The following BABAM2 variants were observed in gnomAD, a reference collection of about 807,000 sequenced individuals.
BABAM2 encodes the protein BRISC and BRCA1 A complex member 2, also known as BRISC and BRCA1-A complex member 2.
A neutral mutation model predicts 54.7 loss-of-function variants in BABAM2; 31 were observed. The ratio of observed to expected loss-of-function variants is 0.57; its 90% CI spans 0.43 to 0.77. BABAM2 has a LOEUF of 0.77. BABAM2 is among the 30% of genes least tolerant of loss of function. The pLI, the probability that BABAM2 is intolerant of heterozygous loss-of-function variation, is 0.00. For missense variants in BABAM2, 364 were observed against 455.8 expected (o/e 0.80, Z 1.83); for synonymous variants, 167 against 162.9 (o/e 1.03, Z -0.19).
At chr2:27,908,024 G>A (rs188324214) in intron 2 of BABAM2, among the ~76,000 whole-genome samples, 266 of 152,146 alleles carry the variant, frequency 1.7e-3, no homozygotes, top group African/African-American at 5.6e-3. Flanking sequence ...AGTTTTTTGC[G>A]TATATACCCA....
chr2:28,074,004 C>CATATATACACACACATATATACACAT (rs952681964), intron 6 of BABAM2, among the ~76,000 whole-genome samples: 3 of 150,678 alleles, frequency 2.0e-5, no homozygotes, highest in Non-Finnish European at 4.4e-5. Flanking sequence ...TATATTTACA[C>CATATATACACACACATATATACACAT]ATATATACAC....
At chr2:28,235,184 AT>A (rs1681785759) in intron 7 of BABAM2, among the ~76,000 whole-genome samples, 1 of 152,110 alleles carries the variant, frequency 6.6e-6, no homozygotes, top group African/African-American at 2.4e-5. Context: ...TTATTTATTT[AT>A]TTATTTTGAG....
At chr2:27,938,726 A>G (rs1037033310) in intron 3 of BABAM2, among the ~76,000 whole-genome samples, 6 of 152,126 alleles carry the variant, frequency 3.9e-5, no homozygotes, top group Non-Finnish European at 2.9e-5. Flanking sequence ...ACCTCTAAGG[A>G]AACCTAATTA....
intron 6 of BABAM2, among the ~76,000 whole-genome samples, chr2:28,081,402 C>A (rs1204683153): frequency 6.6e-6 from 1 of 152,172 alleles, no homozygotes; most frequent in African/African-American, 2.4e-5. Flanking sequence ...GTACGTAAGA[C>A]CAGGCAAGGT....
Position 28,099,215 on chromosome 2 carries a change from A to G in BABAM2, c.571-30056A>G, listed in dbSNP as rs78523333. ...AGTACCAAATTAATTTTGATAGTAA[A>G]CTAATGAGTTAGCATTCTGGCTGTA... On this transcript the variant is annotated intron_variant, in intron 6 of 11. Coordinates refer to ENST00000379624, the MANE Select transcript of BABAM2 (RefSeq NM_199191.3). 2.6e-5 allele frequency among the ~76,000 whole-genome samples: 4 copies of G among 152,296 alleles called. No individual in the cohort carries two copies. The East Asian group carries it at 7.7e-4, about 29-fold the overall frequency.
At chr2:27,926,093 C>CT (rs77326542) in intron 2 of BABAM2, among the ~76,000 whole-genome samples, 12,182 of 142,036 alleles carry the variant, frequency 0.086, 750 homozygotes, top group African/African-American at 0.18. Flanking sequence ...CTCTTGTGGT[C>CT]TTTTTTTTTT....
chr2:28,125,042 A>C (rs1669385860), intron 6 of BABAM2, among the ~76,000 whole-genome samples: 1 of 152,192 alleles, frequency 6.6e-6, no homozygotes, highest in South Asian at 2.1e-4. Context: ...TAAGAACCTT[A>C]AAGCAAGATG....
chr2:28,079,625 G>A (rs1482393789), intron 6 of BABAM2, among the ~76,000 whole-genome samples: 1 of 152,042 alleles, frequency 6.6e-6, no homozygotes, highest in African/African-American at 2.4e-5. Context: ...TTGAGCTCTA[G>A]GCCTTTGGTC....
At position 28,042,896 on chromosome 2, in the gene BABAM2, C is replaced by T. The variant is rs375630746; in HGVS notation, c.496-2829C>T. Among the ~76,000 whole-genome samples, 52 of 151,650 alleles carry T rather than the reference C, an allele frequency of 3.4e-4. No individual in the cohort carries two copies. In the East Asian group the frequency reaches 7.4e-3, roughly 22 times the overall value. The stretch of plus-strand genomic sequence containing the variant: ...AAAATTAGCCGGGCGTGGTGGCGGG[C>T]GCCTGTAGTCCCAGCTACTCGGGAG... On this transcript the variant is annotated intron_variant, in intron 5 of 11. Transcript: ENST00000379624.
intron 10 of BABAM2, among the ~76,000 whole-genome samples, chr2:28,289,874 A>C (rs1687146108): frequency 6.6e-6 from 1 of 152,118 alleles, no homozygotes; most frequent in Middle Eastern, 3.2e-3. Flanking sequence ...GGAAAATAGC[A>C]CACTGTCAAT....
At chr2:28,286,767 G>A (rs1014274658) in intron 10 of BABAM2, among the ~76,000 whole-genome samples, 5 of 152,052 alleles carry the variant, frequency 3.3e-5, no homozygotes, top group Admixed American at 6.6e-5. Context: ...CTTCGTCCTC[G>A]TCTCCTTTCC....
chr2:28,319,825 A>G (rs933389108), intron 11 of BABAM2, among the ~76,000 whole-genome samples: 6 of 152,104 alleles, frequency 3.9e-5, no homozygotes, highest in African/African-American at 1.4e-4. Flanking sequence ...ACACAGTTCA[A>G]CCTCAAAGGC....
chr2:27,989,167 A>G (rs558488609), intron 4 of BABAM2, among the ~76,000 whole-genome samples: 3 of 152,192 alleles, frequency 2.0e-5, no homozygotes, highest in South Asian at 4.1e-4. Context: ...TGTGTTACGT[A>G]TTCACCCCAT....
At chr2:28,323,662 A>G (rs757474139) in intron 11 of BABAM2, among the ~76,000 whole-genome samples, 2 of 152,178 alleles carry the variant, frequency 1.3e-5, no homozygotes, top group Non-Finnish European at 2.9e-5. Flanking sequence ...CAGTTTGACT[A>G]TGCGGGATGA....
chr2:28,307,300 C>A (rs1688642254), intron 11 of BABAM2, among the ~76,000 whole-genome samples: 1 of 151,892 alleles, frequency 6.6e-6, no homozygotes, highest in Non-Finnish European at 1.5e-5. Context: ...AGCCACCACA[C>A]CTGGCCTTAA....
chr2:28,227,976 A>G (rs1681042793), intron 7 of BABAM2, among the ~76,000 whole-genome samples: 1 of 152,178 alleles, frequency 6.6e-6, no homozygotes, highest in African/African-American at 2.4e-5. Context: ...GAGAAAGATT[A>G]CAATTCCAGT....
intron 3 of BABAM2, among the ~76,000 whole-genome samples, chr2:27,987,071 A>G (rs1034505978): frequency 6.6e-5 from 10 of 152,180 alleles, no homozygotes; most frequent in African/African-American, 1.7e-4. Context: ...AGAACTTACT[A>G]TATGCTGGAC....
At chr2:28,180,941 T>C (rs1675558608) in intron 7 of BABAM2, among the ~76,000 whole-genome samples, 1 of 152,108 alleles carries the variant, frequency 6.6e-6, no homozygotes, top group Admixed American at 6.6e-5. Context: ...ATGGCAATTA[T>C]TAAAAAGACA....
At chr2:28,098,671 G>A (rs1291185218) in intron 6 of BABAM2, among the ~76,000 whole-genome samples, 1 of 152,212 alleles carries the variant, frequency 6.6e-6, no homozygotes, top group African/African-American at 2.4e-5. Context: ...GGATTAAGGT[G>A]TAAACGTGAT....
Sources: allele counts gnomAD v4.1 joint callset (sites outside exome capture counted in the v4.1 genomes callset), GRCh38; gene constraint gnomAD v4.1.1; transcripts MANE v1.5; gene names NCBI Gene and HGNC (gene_info 2026-07-23, HGNC 2026-07-21).